Variants in GRM5 observed in about 807,000 individuals in gnomAD.
GRM5 encodes metabotropic glutamate receptor 5.
Under a neutral mutation model 83.1 loss-of-function variants are expected in GRM5, and 19 were observed. The observed-to-expected ratio is 0.23, with a 90% CI of 0.16 to 0.34. The LOEUF (loss-of-function observed/expected upper bound fraction) is 0.34. Ranked by LOEUF, GRM5 falls within the 10% of genes least tolerant of loss-of-function variation. GRM5 has a pLI of 1.00. For synonymous variants in GRM5, 675 were observed against 633.6 expected (o/e 1.07, Z -0.98); for missense variants, 1,160 against 1,588.3 (o/e 0.73, Z 4.58).
At chr11:88,665,782 A>T (rs1333152826) in intron 3 of GRM5, among the ~76,000 whole-genome samples, 5 of 148,238 alleles carry the variant, frequency 3.4e-5, no homozygotes, top group African/African-American at 4.9e-5. Context: ...AAGGCTGAAT[A>T]TTTTTTTTTT....
chr11:88,541,392 G>C (rs1397055325), intron 8 of GRM5, among the ~76,000 whole-genome samples: 1 of 152,166 alleles, frequency 6.6e-6, no homozygotes, highest in Non-Finnish European at 1.5e-5. Context: ...ATGAAGTTAA[G>C]TAGTATCATC....
At chr11:88,941,792 A>G (rs1386380066) in intron 2 of GRM5, among the ~76,000 whole-genome samples, 1 of 152,026 alleles carries the variant, frequency 6.6e-6, no homozygotes, top group Non-Finnish European at 1.5e-5. Flanking sequence ...ATATATACCT[A>G]CTGATGCGAT....
intron 3 of GRM5, among the ~76,000 whole-genome samples, chr11:88,655,088 T>C (rs1004913842): frequency 2.6e-5 from 4 of 152,136 alleles, no homozygotes; most frequent in African/African-American, 9.7e-5. Context: ...CAAAAAGATA[T>C]TAAAAATTAC....
chr11:88,725,010 A>G (rs980265151), intron 3 of GRM5, among the ~76,000 whole-genome samples: 1 of 152,096 alleles, frequency 6.6e-6, no homozygotes, highest in East Asian at 1.9e-4. Flanking sequence ...TGCAGTTTTT[A>G]TTCATACTCC....
chr11:88,738,918 C>G (rs1022882064), intron 3 of GRM5, among the ~76,000 whole-genome samples: 4 of 152,094 alleles, frequency 2.6e-5, no homozygotes, highest in African/African-American at 9.7e-5. Context: ...CTTACACTCT[C>G]TTCTTCGCCT....
intron 2 of GRM5, among the ~76,000 whole-genome samples, chr11:88,930,613 T>C (rs1194550084): frequency 6.6e-6 from 1 of 151,586 alleles, no homozygotes; most frequent in Non-Finnish European, 1.5e-5. Context: ...CTGCAACCTC[T>C]GGTTGCTCAC....
At chr11:88,515,711 G>A (rs1218141059) in intron 9 of GRM5, among the ~76,000 whole-genome samples, 1 of 152,134 alleles carries the variant, frequency 6.6e-6, no homozygotes, top group African/African-American at 2.4e-5. Flanking sequence ...TTAGATTTTT[G>A]TACTTCTTTT....
chr11:88,529,448 A>G (rs931869811), intron 8 of GRM5, among the ~76,000 whole-genome samples: 2 of 151,794 alleles, frequency 1.3e-5, no homozygotes, highest in African/African-American at 4.8e-5. Context: ...GCAAACATGT[A>G]GAGAGGTTTA....
chr11:88,642,812 C>T (rs1482148108), intron 4 of GRM5, among the ~76,000 whole-genome samples: 1 of 152,168 alleles, frequency 6.6e-6, no homozygotes, highest in Non-Finnish European at 1.5e-5. Context: ...TAATTTCTAT[C>T]TGAGACTTTA....
At chr11:88,945,137 C>G (rs1455305896) in intron 2 of GRM5, among the ~76,000 whole-genome samples, 1 of 151,748 alleles carries the variant, frequency 6.6e-6, no homozygotes, top group Admixed American at 6.6e-5. Context: ...CATACACACA[C>G]ACACACACAC....
At chr11:88,926,437 A>G (rs1305866381) in intron 2 of GRM5, among the ~76,000 whole-genome samples, 1 of 152,166 alleles carries the variant, frequency 6.6e-6, no homozygotes, top group Non-Finnish European at 1.5e-5. Flanking sequence ...CATTAAGTTT[A>G]TATCTACAGA....
At chr11:89,036,664 AC>A (rs1206919800) in intron 2 of GRM5, among the ~76,000 whole-genome samples, 3 of 36,470 alleles carry the variant, frequency 8.2e-5, no homozygotes, top group African/African-American at 3.6e-4. Context: ...CAGTATTTGT[AC>A]TCAAATTTGC....
intron 9 of GRM5, among the ~76,000 whole-genome samples, chr11:88,509,795 C>T (rs1285933434): frequency 1.3e-5 from 2 of 152,282 alleles, no homozygotes; most frequent in Middle Eastern, 3.4e-3. Context: ...TAGGATTCTG[C>T]GGGAGTTCTG....
intron 8 of GRM5, among the ~76,000 whole-genome samples, chr11:88,559,917 A>G (rs1942715497): frequency 6.6e-6 from 1 of 152,162 alleles, no homozygotes; most frequent in African/African-American, 2.4e-5. Flanking sequence ...AAGGAGGGGA[A>G]CTTAATGCAG....
chr11:88,756,985 A>G (rs1237407586), intron 3 of GRM5, among the ~76,000 whole-genome samples: 3 of 152,192 alleles, frequency 2.0e-5, no homozygotes, highest in African/African-American at 4.8e-5. Flanking sequence ...ACCAAGATAC[A>G]TTAAAATCAA....
chr11:88,592,823 T>G (rs1279323898), intron 6 of GRM5, among the ~76,000 whole-genome samples: 1 of 152,226 alleles, frequency 6.6e-6, no homozygotes, highest in Non-Finnish European at 1.5e-5. Context: ...TTATTTATTT[T>G]ATTTTTTGAG....
chr11:88,888,084 C>T (rs1229943038), intron 2 of GRM5, among the ~76,000 whole-genome samples: 1 of 152,128 alleles, frequency 6.6e-6, no homozygotes, highest in Non-Finnish European at 1.5e-5. Context: ...TTCTCACTTA[C>T]CCCTACAGAA....
In GRM5 at chr11:88,648,965, A is replaced by AAAAATCAT. The variant is rs1392509804; in HGVS notation, c.1147+4202_1147+4203insATGATTTT. 8.8e-3 allele frequency among the ~76,000 whole-genome samples: 1,314 copies of AAAAATCAT among 150,022 alleles called. 27 individuals are homozygous for AAAAATCAT. Among genetic ancestry groups the AAAAATCAT allele is most frequent in the African/African-American group, 0.03 (1,245 of 40,862 alleles). ...ATGCAATTCTTTATTCTACAGGCTTAAGGAGCTCTGGAAACCCTAAGAAAG... is the reference window on the plus strand; with the variant it reads ...ATGCAATTCTTTATTCTACAGGCTTAAAAATCATAGGAGCTCTGGAAACCCTAAGAAAG... On this transcript the variant is annotated intron_variant, in intron 4 of 9. Coordinates refer to ENST00000305447, the MANE Select transcript of GRM5 (RefSeq NM_001143831.3).
intron 3 of GRM5, among the ~76,000 whole-genome samples, chr11:88,747,119 C>T (rs1363734605): frequency 6.6e-6 from 1 of 152,154 alleles, no homozygotes; most frequent in Non-Finnish European, 1.5e-5. Context: ...AACAAACAAC[C>T]TTCTGTTTCT....
Sources: allele counts gnomAD v4.1 joint callset (sites outside exome capture counted in the v4.1 genomes callset), GRCh38; gene constraint gnomAD v4.1.1; transcripts MANE v1.5; gene names NCBI Gene and HGNC (gene_info 2026-07-23, HGNC 2026-07-21).